IFT43: variants seen among roughly 807,000 people sequenced by gnomAD.
IFT43 encodes intraflagellar transport protein 43 homolog.
Under a neutral mutation model 32.3 loss-of-function variants are expected in IFT43, and 33 were observed. The observed-to-expected ratio is 1.02, with a 90% CI of 0.77 to 1.37. IFT43 has a LOEUF of 1.37. Among genes scored for constraint, IFT43 ranks in the 40% most tolerant of loss-of-function variants. The pLI is 0.00. For synonymous variants in IFT43, 93 were observed against 98.2 expected (o/e 0.95, Z 0.31); for missense variants, 274 against 265.9 (o/e 1.03, Z -0.21).
chr14:76,078,925 T>C (rs1378088561), intron 5 of IFT43, among the ~76,000 whole-genome samples: 2 of 152,222 alleles, frequency 1.3e-5, no homozygotes, highest in Non-Finnish European at 2.9e-5. Context: ...TTTTCCATTC[T>C]GCCCCATTTA....
chr14:75,999,267 ATATATGTATATATATTT>A (rs1271714420), intron 2 of IFT43, among the ~76,000 whole-genome samples: 7 of 24,490 alleles, frequency 2.9e-4, no homozygotes, highest in African/African-American at 7.6e-4. Flanking sequence ...ATATATATAT[ATATATGTATATATATTT>A]TTTTTTTTTT....
chr14:76,081,302 C>A (rs956941369), intron 5 of IFT43, among the ~76,000 whole-genome samples: 2 of 152,254 alleles, frequency 1.3e-5, no homozygotes, highest in African/African-American at 4.8e-5. Context: ...CACCAGTCTA[C>A]CTTTGGGATT....
chr14:76,027,142 A>G lies in IFT43; in HGVS notation c.215+4748A>G, dbSNP rs10147964. Among the ~76,000 whole-genome samples, 810 of 152,254 alleles carry G rather than the reference A, an allele frequency of 5.3e-3. 3 individuals are homozygous for G. Among genetic ancestry groups the G allele is most frequent in the African/African-American group, 0.019 (774 of 41,532 alleles). On this transcript the variant is annotated intron_variant, in intron 3 of 8. Coordinates refer to ENST00000314067, the MANE Select transcript of IFT43 (RefSeq NM_001102564.3). ...AAATAACTACTGGGTACTAGGCTTA[A>G]TGTCAGGGTGATGAAATAATTTGTA...
At chr14:76,047,420 G>A (rs566257464) in intron 3 of IFT43, among the ~76,000 whole-genome samples, 17 of 152,202 alleles carry the variant, frequency 1.1e-4, no homozygotes, top group Admixed American at 1.1e-3. Flanking sequence ...CCAACTGCTT[G>A]GAGAGAAAGG....
Position 76,010,524 on chromosome 14 carries a change from A to G in IFT43, c.148-11803A>G, listed in dbSNP as rs181966796. 5.2e-4 allele frequency among the ~76,000 whole-genome samples: 79 copies of G among 152,262 alleles called. 1 individual carries two copies. Among genetic ancestry groups the G allele is most frequent in the African/African-American group, 1.7e-3 (72 of 41,562 alleles). On this transcript the variant is annotated intron_variant, in intron 2 of 8. Transcript: ENST00000314067. ...TGAACAACATATATCCATCAACTAG[A>G]TTCAACTGTTACTACCATTTTGCCA...
intron 2 of IFT43, among the ~76,000 whole-genome samples, chr14:75,998,951 C>T (rs1316860963): frequency 1.3e-5 from 2 of 151,934 alleles, no homozygotes; most frequent in East Asian, 1.9e-4. Context: ...CTCGGGATGA[C>T]CTTGAACTCC....
intron 5 of IFT43, among the ~76,000 whole-genome samples, chr14:76,068,800 G>A (rs902906161): frequency 3.3e-5 from 5 of 152,154 alleles, no homozygotes; most frequent in Non-Finnish European, 7.3e-5. Flanking sequence ...TCATTTATTT[G>A]TTCGTTCATT....
chr14:75,995,767 G>A (rs1337128425), intron 2 of IFT43, among the ~76,000 whole-genome samples: 2 of 152,098 alleles, frequency 1.3e-5, no homozygotes, highest in Non-Finnish European at 2.9e-5. Flanking sequence ...CTCTCCAATC[G>A]GCTGGGTTGA....
chr14:76,009,166 C>T (rs1015949820), intron 2 of IFT43, among the ~76,000 whole-genome samples: 5 of 152,204 alleles, frequency 3.3e-5, no homozygotes, highest in Admixed American at 2.6e-4. Context: ...TGCAACTTAG[C>T]CGCTAGGCAA....
intron 2 of IFT43, among the ~76,000 whole-genome samples, chr14:76,018,524 G>A (rs1237126691): frequency 1.3e-5 from 2 of 152,016 alleles, no homozygotes; most frequent in Non-Finnish European, 2.9e-5. Flanking sequence ...TGTGTTCTGC[G>A]GCTATTGGAT....
chr14:75,991,388 A>AGTGTGTGT lies in IFT43; in HGVS notation c.147+2442_147+2449dup, dbSNP rs34624480. Among the ~76,000 whole-genome samples, 386 of 141,986 alleles carry AGTGTGTGT rather than the reference A, an allele frequency of 2.7e-3. 2 individuals carry two copies. Among genetic ancestry groups the AGTGTGTGT allele is most frequent in the East Asian group, 0.014 (70 of 4,894 alleles). 93.1% of individuals were successfully genotyped at this position (141,986 alleles called of 152,430 possible). A position where few individuals can be genotyped will look rare whatever the true frequency, so the allele number is the denominator to read the frequency against. Reference sequence around the variant, plus strand: ...ATATATATATATAAATATTAACAAGAGTGTGTGTGTGTGTGTGTGTGTGTG... The same window carrying AGTGTGTGT: ...ATATATATATATAAATATTAACAAGAGTGTGTGTGTGTGTGTGTGTGTGTGTGTGTGTG... On this transcript the variant is annotated intron_variant, in intron 2 of 8. Transcript: ENST00000314067.
rs757854848 is a variant in IFT43, at chr14:76,059,347, G to C, written c.269G>C (p.Ser90Thr). ...GGCAGTTTCCGCCTCAGACCACAGA[G>C]CCTGAATGGATCAGATTATGGAGGA... The part of the protein sequence containing the change: ...EIEDFRLRPQ[S>T]LNGSDYGGDI... Residue 90 changes from serine to threonine, a missense_variant, in exon 5 of 9, where the codon AGC becomes ACC. Ser to Thr is a moderately conservative substitution (Grantham distance 58). Coordinates refer to ENST00000314067, the MANE Select transcript of IFT43 (RefSeq NM_001102564.3). 5.0e-6 allele frequency: 8 copies of C among 1,614,092 alleles called. No homozygotes were observed. The South Asian group carries it at 8.8e-5, about 18-fold the overall frequency.
chr14:76,077,443 G>T (rs907239348), intron 5 of IFT43, among the ~76,000 whole-genome samples: 1 of 152,170 alleles, frequency 6.6e-6, no homozygotes, highest in African/African-American at 2.4e-5. Context: ...AGGAGCATCT[G>T]TTGAATGCAG....
At chr14:76,008,382 T>C (rs2036017308) in intron 2 of IFT43, among the ~76,000 whole-genome samples, 1 of 152,192 alleles carries the variant, frequency 6.6e-6, no homozygotes, top group Non-Finnish European at 1.5e-5. Flanking sequence ...TTATTATTTC[T>C]GAAAATAATA....
chr14:76,028,299 C>T (rs1282272403), intron 3 of IFT43, among the ~76,000 whole-genome samples: 1 of 152,076 alleles, frequency 6.6e-6, no homozygotes, highest in Non-Finnish European at 1.5e-5. Flanking sequence ...ATTAATGGAT[C>T]CTTGCCTGAA....
At chr14:75,990,474 G>A (rs1050757422) in intron 2 of IFT43, among the ~76,000 whole-genome samples, 3 of 152,192 alleles carry the variant, frequency 2.0e-5, no homozygotes, top group African/African-American at 7.2e-5. Flanking sequence ...GAAGGCAGAG[G>A]TTGTGTCTTA....
At chr14:76,065,221 C>G (rs974108629) in intron 5 of IFT43, among the ~76,000 whole-genome samples, 2 of 152,174 alleles carry the variant, frequency 1.3e-5, no homozygotes, top group African/African-American at 4.8e-5. Flanking sequence ...ACTCTGCTGT[C>G]ATGCCCCAGT....
intron 3 of IFT43, among the ~76,000 whole-genome samples, chr14:76,027,815 T>G (rs1013529421): frequency 6.6e-6 from 1 of 152,160 alleles, no homozygotes. Context: ...TAATATATAG[T>G]TTATATTTGA....
intron 1 of IFT43, chr14:75,986,054 A>G: frequency 6.6e-7 from 1 of 1,511,742 alleles, no homozygotes; most frequent in African/African-American, 1.4e-5. Context: ...AATCCTCAGA[A>G]AGTAGAAAAC....
Sources: allele counts gnomAD v4.1 joint callset (sites outside exome capture counted in the v4.1 genomes callset), GRCh38; gene constraint gnomAD v4.1.1; transcripts MANE v1.5; gene names NCBI Gene and HGNC (gene_info 2026-07-23, HGNC 2026-07-21).